The following NFKB1 variants were observed in gnomAD, a reference collection of about 807,000 sequenced individuals.
NFKB1 encodes the protein nuclear factor NF-kappa-B p105 subunit.
A neutral mutation model predicts 105.1 loss-of-function variants in NFKB1; 9 were observed. The ratio of observed to expected loss-of-function variants is 0.09; its 90% CI spans 0.05 to 0.15. The LOEUF is 0.15. Ranked by LOEUF, NFKB1 falls within the 10% of genes least tolerant of loss-of-function variation. The pLI, the probability that NFKB1 is intolerant of heterozygous loss-of-function variation, is 1.00. For missense variants in NFKB1, 830 were observed against 1,203.7 expected (o/e 0.69, Z 4.59); for synonymous variants, 440 against 442.2 (o/e 1.00, Z 0.06).
chr4:102,516,664 G>A (rs1311616091), intron 1 of NFKB1, among the ~76,000 whole-genome samples: 1 of 151,352 alleles, frequency 6.6e-6, no homozygotes, highest in Non-Finnish European at 1.5e-5. Flanking sequence ...TTACATTATT[G>A]ACCATATGCT....
intron 5 of NFKB1, among the ~76,000 whole-genome samples, chr4:102,544,818 G>C (rs1722012684): frequency 6.6e-6 from 1 of 152,114 alleles, no homozygotes; most frequent in South Asian, 2.1e-4. Flanking sequence ...ATTATTAGGA[G>C]AGATATACAC....
intron 5 of NFKB1, among the ~76,000 whole-genome samples, chr4:102,558,283 T>C (rs1451347986): frequency 1.3e-5 from 2 of 152,120 alleles, no homozygotes; most frequent in Non-Finnish European, 2.9e-5. Context: ...TAAGTGAGAA[T>C]ATGCAGTATC....
chr4:102,507,061 A>G (rs1222451933), intron 1 of NFKB1, among the ~76,000 whole-genome samples: 1 of 149,240 alleles, frequency 6.7e-6, no homozygotes, highest in Non-Finnish European at 1.5e-5. Flanking sequence ...ATTAGTTACA[A>G]ATATGTATAT....
chr4:102,571,839 T>G (rs951800727), intron 6 of NFKB1, among the ~76,000 whole-genome samples: 1 of 152,118 alleles, frequency 6.6e-6, no homozygotes. Context: ...AAACAACAGG[T>G]GCTGGAGAGG....
intron 5 of NFKB1, among the ~76,000 whole-genome samples, chr4:102,555,619 T>G (rs544895522): frequency 6.6e-6 from 1 of 152,184 alleles, no homozygotes. Context: ...AAGGGAGAGA[T>G]GTATGAAAGC....
chr4:102,550,076 TA>T (rs951728624), intron 5 of NFKB1, among the ~76,000 whole-genome samples: 1 of 152,122 alleles, frequency 6.6e-6, no homozygotes, highest in African/African-American at 2.4e-5. Context: ...CATTCTTCTT[TA>T]AAAAAAATTA....
chr4:102,616,107 T>C (rs1728919142), intron 23 of NFKB1, among the ~76,000 whole-genome samples: 1 of 152,178 alleles, frequency 6.6e-6, no homozygotes, highest in South Asian at 2.1e-4. Flanking sequence ...AATACAGTGG[T>C]TGGAAAACTA....
rs1357733153 is a variant in NFKB1 at position 102,610,593 on chromosome 4, A to G, written c.2246A>G (p.Glu749Gly). The change falls in exon 20 of 24, where the codon GAG (glutamate) becomes GGG (glycine). Residue 749 changes from glutamate to glycine, a missense_variant. By Grantham distance (98) the Glu-to-Gly change is moderately conservative. Coordinates refer to ENST00000226574, the MANE Select transcript of NFKB1 (RefSeq NM_003998.4). Reference sequence around the variant, plus strand: ...TTCGCAGGAGCAGATCCCCTGGTGGAGAACTTTGAGCCTCTCTATGACCTG... The same window carrying G: ...TTCGCAGGAGCAGATCCCCTGGTGGGGAACTTTGAGCCTCTCTATGACCTG... ...LKAAGADPLV[E>G]NFEPLYDLDD... 6.2e-7 allele frequency: 1 copy of G among 1,613,984 alleles called. No homozygotes were observed.
At chr4:102,601,806 A>T (rs184453114) in intron 16 of NFKB1, among the ~76,000 whole-genome samples, 192 of 152,340 alleles carry the variant, frequency 1.3e-3, no homozygotes, top group Non-Finnish European at 2.1e-3. Context: ...CACTGGCATG[A>T]AACCAAGATG....
chr4:102,533,639 C>A (rs1303995404), intron 3 of NFKB1, among the ~76,000 whole-genome samples: 1 of 152,166 alleles, frequency 6.6e-6, no homozygotes, highest in East Asian at 1.9e-4. Context: ...GTTCGCTAAA[C>A]TCGTAAAACT....
In NFKB1 at chr4:102,501,504, T is replaced by TC. The variant is rs1252849803; in HGVS notation, c.-289dup. ...GCCTGCACGCAGCCACCGGCCCCGC[T>TC]CCCGGAGCCCAGCGCCGCCGAGGCC... On this transcript the variant is annotated 5_prime_UTR_variant, in exon 1 of 24. Transcript: ENST00000226574. 33 of 148,944 alleles carry TC rather than the reference T, an allele frequency of 2.2e-4. No homozygotes were observed. The highest frequency in any genetic ancestry group is 2.1e-3 in the Admixed American group (31 of 14,976). 9.2% of individuals were successfully genotyped at this position (148,944 alleles called of 1,614,324 possible).
At chr4:102,609,188 T>C (rs983207734) in intron 19 of NFKB1, among the ~76,000 whole-genome samples, 13 of 117,006 alleles carry the variant, frequency 1.1e-4, no homozygotes, top group Admixed American at 1.9e-4. Context: ...AAAGAAACTA[T>C]AACCCTTTTA....
intron 5 of NFKB1, among the ~76,000 whole-genome samples, chr4:102,559,951 AAAAAG>A (rs1723273079): frequency 1.3e-5 from 2 of 151,692 alleles, no homozygotes; most frequent in African/African-American, 4.8e-5. Context: ...AAAAAAAAAA[AAAAAG>A]AAAGAAAGAA....
intron 7 of NFKB1, chr4:102,578,324 T>C (rs1725033369): frequency 6.5e-6 from 1 of 152,864 alleles, no homozygotes; most frequent in Non-Finnish European, 1.5e-5. Flanking sequence ...TTTATGATAT[T>C]ATAGCTTAAT....
chr4:102,512,935 A>T (rs376455416), intron 1 of NFKB1, among the ~76,000 whole-genome samples: 1 of 152,324 alleles, frequency 6.6e-6, no homozygotes, highest in African/African-American at 2.4e-5. Flanking sequence ...TCATATTCAG[A>T]TTCAAGAGAA....
intron 19 of NFKB1, among the ~76,000 whole-genome samples, chr4:102,610,008 A>C (rs1728245410): frequency 6.6e-6 from 1 of 152,254 alleles, no homozygotes; most frequent in South Asian, 2.1e-4. Context: ...TAAAGAGCAG[A>C]CTACATTTCC....
intron 1 of NFKB1, among the ~76,000 whole-genome samples, chr4:102,507,869 C>T (rs907993772): frequency 1.3e-5 from 2 of 152,102 alleles, no homozygotes; most frequent in Non-Finnish European, 1.5e-5. Flanking sequence ...TTATCCCAGA[C>T]GTCAATTCTA....
At chr4:102,598,247 C>T (rs146541629) in intron 15 of NFKB1, among the ~76,000 whole-genome samples, 148 of 152,298 alleles carry the variant, frequency 9.7e-4, no homozygotes, top group African/African-American at 3.2e-3. Context: ...CTTGCTATTA[C>T]TGAGATTGTA....
intron 2 of NFKB1, among the ~76,000 whole-genome samples, chr4:102,528,140 T>C (rs1314201979): frequency 6.6e-6 from 1 of 152,116 alleles, no homozygotes; most frequent in African/African-American, 2.4e-5. Context: ...ACTTCTCTCT[T>C]AGTCTGAAGT....
Sources: allele counts gnomAD v4.1 joint callset (sites outside exome capture counted in the v4.1 genomes callset), GRCh38; gene constraint gnomAD v4.1.1; transcripts MANE v1.5; gene names NCBI Gene and HGNC (gene_info 2026-07-23, HGNC 2026-07-21).